STARD13: variants seen among roughly 807,000 people sequenced by gnomAD.
The protein encoded by STARD13 is StAR related lipid transfer domain containing 13.
In STARD13, 62 loss-of-function variants were observed where a neutral mutation model predicts 106.4. The observed-to-expected ratio is 0.58, with a 90% CI of 0.48 to 0.72. STARD13 has a LOEUF of 0.72. Among genes scored for constraint, STARD13 ranks in the 30% least tolerant of loss-of-function variants. STARD13 has a pLI of 0.00. For synonymous variants in STARD13, 565 were observed against 553.0 expected (o/e 1.02, Z -0.31); for missense variants, 1,387 against 1,424.0 (o/e 0.97, Z 0.42).
At chr13:33,663,616 A>C in the STARD13 span, among the ~76,000 whole-genome samples, 1 of 152,336 alleles carries the variant, frequency 6.6e-6, no homozygotes, top group South Asian at 2.1e-4. Context: ...AAGACATACA[A>C]AATGTTAACA....
At chr13:33,423,022 G>A in the STARD13 span, among the ~76,000 whole-genome samples, 2 of 152,116 alleles carry the variant, frequency 1.3e-5, no homozygotes, top group Admixed American at 1.3e-4. Flanking sequence ...TACCATTCAG[G>A]ACATAGGCAT....
chr13:33,144,660 C>T (rs1413141408), intron 3 of STARD13, among the ~76,000 whole-genome samples: 7 of 152,214 alleles, frequency 4.6e-5, no homozygotes, highest in African/African-American at 1.4e-4. Flanking sequence ...CTTTGGCAGG[C>T]TCTCAGCCTG....
At chr13:33,275,509 A>C (rs1334940804) in intron 1 of STARD13, among the ~76,000 whole-genome samples, 1 of 152,196 alleles carries the variant, frequency 6.6e-6, no homozygotes. Flanking sequence ...CAGAGGAACA[A>C]AAGCTAAGAA....
intron 1 of STARD13, among the ~76,000 whole-genome samples, chr13:33,259,609 GA>G (rs1281617557): frequency 6.6e-6 from 1 of 152,176 alleles, no homozygotes; most frequent in Non-Finnish European, 1.5e-5. Flanking sequence ...GGTCTCAAAA[GA>G]TCAAGAGCAA....
chr13:33,590,916 T>G, the STARD13 span, among the ~76,000 whole-genome samples: 3 of 152,216 alleles, frequency 2.0e-5, no homozygotes, highest in African/African-American at 7.2e-5. Context: ...GCTTTGAGAA[T>G]TTAAACTTAT....
At chr13:33,511,057 C>G in the STARD13 span, among the ~76,000 whole-genome samples, 59 of 151,958 alleles carry the variant, frequency 3.9e-4, no homozygotes, top group Admixed American at 5.2e-4. Context: ...TGCCTGTAAT[C>G]CCAGCACTTT....
At chr13:33,185,796 C>T (rs909373878) in intron 1 of STARD13, 1 of 1,386,680 alleles carries the variant, frequency 7.2e-7, no homozygotes. Flanking sequence ...TGACCACTGC[C>T]ACTGAGGCCA....
At chr13:33,118,655 T>C (rs1048249112) in intron 7 of STARD13, among the ~76,000 whole-genome samples, 1 of 152,208 alleles carries the variant, frequency 6.6e-6, no homozygotes. Flanking sequence ...TAAAATTCCC[T>C]GCCCTTTAGG....
rs535123730 is a variant in STARD13 at position 33,212,977 on chromosome 13, G to C, written c.170-45355C>G. Among the ~76,000 whole-genome samples, 8 of 152,214 alleles carry C rather than the reference G, an allele frequency of 5.3e-5. No homozygotes were observed. In the East Asian group the frequency reaches 1.5e-3, roughly 29 times the overall value. On this transcript the variant is annotated intron_variant, in intron 1 of 13. Transcript: ENST00000336934. ...GCAACCTACCCCTTATCTCTGCTAC[G>C]TTCTTGTTTTGAAGCAAATCAAGGC...
intron 3 of STARD13, among the ~76,000 whole-genome samples, chr13:33,163,688 T>TATATATATAACATATATATAAAAC (rs1385059802): frequency 8.4e-6 from 1 of 118,842 alleles, no homozygotes. Flanking sequence ...ATAAAACATA[T>TATATATATAACATATATATAAAAC]ATATATATAA....
intron 7 of STARD13, 118 bp from the exon 8 acceptor site, chr13:33,118,381 C>T (rs1875732342): frequency 1.3e-6 from 1 of 797,566 alleles, no homozygotes; most frequent in African/African-American, 1.7e-5. Flanking sequence ...ACATGCTGAA[C>T]TACTAGTATA....
intron 1 of STARD13, 93 bp from the exon 2 acceptor site, chr13:33,167,715 C>A (rs1434058763): frequency 7.7e-7 from 1 of 1,305,210 alleles, no homozygotes. Context: ...GAGCTTTGTG[C>A]AAGTTATTAC....
the STARD13 span, among the ~76,000 whole-genome samples, chr13:33,493,451 A>G: frequency 6.6e-6 from 1 of 152,226 alleles, no homozygotes; most frequent in Non-Finnish European, 1.5e-5. Flanking sequence ...TTACTTCATA[A>G]TAATGTATCA....
chr13:33,137,351 A>G (rs1175319497), intron 4 of STARD13, among the ~76,000 whole-genome samples: 1 of 152,228 alleles, frequency 6.6e-6, no homozygotes. Context: ...TCTCTCACCT[A>G]CTCAGCTCTG....
the STARD13 span, among the ~76,000 whole-genome samples, chr13:33,618,395 G>A: frequency 6.6e-6 from 1 of 151,944 alleles, no homozygotes; most frequent in Non-Finnish European, 1.5e-5. Context: ...ATTTAAAATG[G>A]GTAAAATATA....
chr13:33,213,683 A>T (rs1253740067), intron 1 of STARD13, among the ~76,000 whole-genome samples: 1 of 152,222 alleles, frequency 6.6e-6, no homozygotes, highest in African/African-American at 2.4e-5. Context: ...TGGCAAGACA[A>T]GATTGGATTT....
rs563973118 is a variant in STARD13 at position 33,106,492 on chromosome 13, T to C, written c.3224+266A>G. Among the ~76,000 whole-genome samples the C allele has an allele frequency of 2.0e-5, 3 of 152,278 alleles. No individual in the cohort carries two copies. The East Asian group carries it at 5.8e-4, about 29-fold the overall frequency. On this transcript the variant is annotated intron_variant, in intron 13 of 13. Coordinates refer to ENST00000336934, the MANE Select transcript of STARD13 (RefSeq NM_178006.4). ...TATGTGTCAGGCTCTGTTTCTGGTG[T>C]GTGTTTCATGGGAGAAAGACAGAAA...
chr13:33,467,630 A>G, the STARD13 span, among the ~76,000 whole-genome samples: 1 of 152,184 alleles, frequency 6.6e-6, no homozygotes, highest in Non-Finnish European at 1.5e-5. Context: ...TTGCATATTT[A>G]GGATAAGGGC....
chr13:33,428,188 A>G, the STARD13 span, among the ~76,000 whole-genome samples: 1 of 152,222 alleles, frequency 6.6e-6, no homozygotes, highest in South Asian at 2.1e-4. Flanking sequence ...AATATGGATT[A>G]AAGACTTAAA....
Sources: gnomAD v4.1 joint callset for allele counts (sites outside exome capture counted in the v4.1 genomes callset) on GRCh38, gnomAD v4.1.1 for gene constraint, MANE v1.5 for transcripts, NCBI Gene and HGNC (gene_info 2026-07-23, HGNC 2026-07-21) for gene names.